Variants in SAXO1 observed in about 807,000 individuals in gnomAD.
SAXO1 encodes stabilizer of axonemal microtubules 1, also known as 4930500O09Rik.
A neutral mutation model predicts 17.5 loss-of-function variants in SAXO1; 21 were observed. The ratio of observed to expected loss-of-function variants is 1.20; its 90% CI spans 0.85 to 1.72. The LOEUF (loss-of-function observed/expected upper bound fraction) is 1.72, where lower values mean the gene tolerates loss of function less well. Ranked by LOEUF, SAXO1 falls within the 40% of genes most tolerant of loss-of-function variation. SAXO1 has a pLI of 0.00. For synonymous variants in SAXO1, 274 were observed against 216.5 expected (o/e 1.27, Z -2.33); for missense variants, 843 against 596.0 (o/e 1.41, Z -4.32).
At chr9:18,968,142 C>A (rs146965050) in intron 1 of SAXO1, among the ~76,000 whole-genome samples, 160 of 152,346 alleles carry the variant, frequency 1.1e-3, no homozygotes, top group African/African-American at 3.8e-3. Context: ...AAATCACCCA[C>A]CTTCTGCATT....
chr9:19,041,150 G>T (rs1451796582), intron 1 of SAXO1, among the ~76,000 whole-genome samples: 2 of 127,860 alleles, frequency 1.6e-5, no homozygotes, highest in South Asian at 2.5e-4. Context: ...CCTGCCAACA[G>T]TGAACAATCT....
intron 1 of SAXO1, among the ~76,000 whole-genome samples, chr9:19,045,532 T>C (rs1836193638): frequency 2.0e-5 from 3 of 152,150 alleles, no homozygotes; most frequent in African/African-American, 7.2e-5. Flanking sequence ...AGGATTAAGC[T>C]GGCCTATAAA....
At chr9:18,973,676 G>A (rs1040191527) in intron 1 of SAXO1, among the ~76,000 whole-genome samples, 2 of 152,082 alleles carry the variant, frequency 1.3e-5, no homozygotes, top group African/African-American at 4.8e-5. Flanking sequence ...TACTTAAGCT[G>A]GTATCCCTGG....
Position 19,033,083 on chromosome 9 carries a change from T to C in SAXO1, c.-175A>G. 3.3e-6 allele frequency: 2 copies of C among 608,842 alleles called. No individual in the cohort carries two copies. Among genetic ancestry groups the C allele is most frequent in the Non-Finnish European group, 2.7e-6 (1 of 376,344 alleles). 37.7% of individuals were successfully genotyped at this position (608,842 alleles called of 1,614,324 possible). On this transcript the variant is annotated 5_prime_UTR_variant, in exon 1 of 4. Coordinates refer to ENST00000380534, the MANE Select transcript of SAXO1 (RefSeq NM_153707.4). The stretch of plus-strand genomic sequence containing the variant: ...TGCAATGTCCTGTCGTCTGTTGCCC[T>C]CCTGGAGCTGGCCTAGCGCGAGGTA...
intron 1 of SAXO1, among the ~76,000 whole-genome samples, chr9:18,987,527 C>T (rs796920821): frequency 6.5e-4 from 99 of 152,280 alleles, no homozygotes; most frequent in African/African-American, 2.2e-3. Context: ...GTAGTCCACC[C>T]GCTCAGCCTC....
intron 1 of SAXO1, among the ~76,000 whole-genome samples, chr9:18,993,647 G>C (rs549250254): frequency 1.3e-5 from 2 of 152,254 alleles, no homozygotes; most frequent in East Asian, 3.9e-4. Context: ...GAGAGAACAG[G>C]CTCTGCTGTG....
chr9:18,968,681 C>T (rs1335758423), intron 1 of SAXO1, among the ~76,000 whole-genome samples: 1 of 151,816 alleles, frequency 6.6e-6, no homozygotes, highest in African/African-American at 2.4e-5. Context: ...GCAACCTCCG[C>T]CTCTCAGGTT....
intron 2 of SAXO1, among the ~76,000 whole-genome samples, chr9:18,942,591 C>A (rs891957012): frequency 3.9e-5 from 6 of 152,214 alleles, no homozygotes; most frequent in African/African-American, 1.4e-4. Context: ...AACCCTGACT[C>A]CTTCATTTCT....
intron 1 of SAXO1, among the ~76,000 whole-genome samples, chr9:19,008,596 C>A (rs1024973616): frequency 6.6e-6 from 1 of 152,092 alleles, no homozygotes; most frequent in Non-Finnish European, 1.5e-5. Flanking sequence ...GATACCTACC[C>A]GAATATTTAT....
At chr9:18,956,152 T>C in intron 1 of SAXO1, among the ~76,000 whole-genome samples, 1 of 148,044 alleles carries the variant, frequency 6.8e-6, no homozygotes, top group Non-Finnish European at 1.5e-5. Context: ...AGTTTTGCCA[T>C]GTTGCCCAGG....
intron 1 of SAXO1, among the ~76,000 whole-genome samples, chr9:19,011,481 T>A (rs1177107427): frequency 6.6e-6 from 1 of 152,190 alleles, no homozygotes; most frequent in Non-Finnish European, 1.5e-5. Context: ...TGAATAAAAC[T>A]TACCCAAAGT....
chr9:19,012,650 C>T (rs1272156138), intron 1 of SAXO1, among the ~76,000 whole-genome samples: 2 of 152,200 alleles, frequency 1.3e-5, no homozygotes, highest in Non-Finnish European at 2.9e-5. Context: ...TACATCAGAA[C>T]GTGCAAATGG....
At chr9:18,953,812 T>A (rs977578815) in intron 1 of SAXO1, among the ~76,000 whole-genome samples, 1 of 152,228 alleles carries the variant, frequency 6.6e-6, no homozygotes, top group Non-Finnish European at 1.5e-5. Flanking sequence ...AAGAGGATGA[T>A]CTGCTAAAAG....
intron 1 of SAXO1, among the ~76,000 whole-genome samples, chr9:19,006,187 G>A (rs574558500): frequency 1.4e-4 from 21 of 152,314 alleles, no homozygotes; most frequent in African/African-American, 1.9e-4. Flanking sequence ...GTAAGATGGC[G>A]TAGTCTCTGT....
Position 19,047,989 on chromosome 9 carries a change from TGAGAG to T in SAXO1, c.-158+1215_-158+1219del, listed in dbSNP as rs1413328042. Among the ~76,000 whole-genome samples the T allele has an allele frequency of 3.3e-5, 5 of 152,276 alleles. No individual in the cohort carries two copies. The East Asian group carries it at 9.6e-4, about 29-fold the overall frequency. On this transcript the variant is annotated intron_variant, in intron 1 of 3. Transcript: ENST00000542071. The stretch of plus-strand genomic sequence containing the variant: ...ACCAAGGAGATGAAACTGAATACAT[TGAGAG>T]GAGATTTTCCACATACTATATTGTA...
In SAXO1 at chr9:18,928,377, G is replaced by A. The variant is rs1410238258; in HGVS notation, c.1100C>T (p.Pro367Leu). The part of the protein sequence containing the change: ...PVPQLDLPTE[P>L]LDCLTTTRAH... ...CCGAGTGGTGGTCAGGCAGTCCAGG[G>A]GCTCGGTGGGCAAGTCCAGCTGGGG... The change falls in exon 4 of 4, where the codon CCC (proline) becomes CTC (leucine). Residue 367 changes from proline (P) to leucine (L), a missense_variant. Transcript: ENST00000380534. 1.9e-6 allele frequency: 3 copies of A among 1,612,512 alleles called. No homozygotes were observed. The highest frequency in any genetic ancestry group is 1.1e-5 in the South Asian group (1 of 90,890).
chr9:18,967,716 G>A (rs1011963874), intron 1 of SAXO1, among the ~76,000 whole-genome samples: 9 of 152,080 alleles, frequency 5.9e-5, no homozygotes, highest in East Asian at 1.9e-4. Context: ...AAGACCATTC[G>A]GCTCCCTGGC....
chr9:18,994,975 T>C (rs10963897), intron 1 of SAXO1, among the ~76,000 whole-genome samples: 82,116 of 152,046 alleles, frequency 0.54, 23,103 homozygotes, highest in Non-Finnish European at 0.63. Context: ...TTAACTTTAT[T>C]AAATATGTCA....
intron 1 of SAXO1, among the ~76,000 whole-genome samples, chr9:19,043,151 A>G (rs1209281617): frequency 1.3e-5 from 2 of 152,130 alleles, no homozygotes; most frequent in Non-Finnish European, 2.9e-5. Context: ...CAGCCTGAGC[A>G]ACAGAGCAAA....
Sources: allele counts gnomAD v4.1 joint callset (sites outside exome capture counted in the v4.1 genomes callset), GRCh38; gene constraint gnomAD v4.1.1; transcripts MANE v1.5; gene names NCBI Gene and HGNC (gene_info 2026-07-23, HGNC 2026-07-21).